The following GTF3C6 variants were observed in gnomAD, a reference collection of about 807,000 sequenced individuals.
The protein encoded by GTF3C6 is general transcription factor IIIC subunit 6, also known as general transcription factor 3C polypeptide 6.
In GTF3C6, 11 loss-of-function variants were observed where a neutral mutation model predicts 19.2. That is an observed-to-expected ratio of 0.57 (90% CI 0.36 to 0.95). The LOEUF (loss-of-function observed/expected upper bound fraction) is 0.95, where lower values mean the gene tolerates loss of function less well. Ranked by LOEUF, GTF3C6 falls within the 40% of genes least tolerant of loss-of-function variation. The probability of loss-of-function intolerance (pLI) is 0.01; values close to 1 mark genes in which losing one functional copy is unlikely to be tolerated. For missense variants in GTF3C6, 222 were observed against 254.7 expected (o/e 0.87, Z 0.87); for synonymous variants, 87 against 84.2 (o/e 1.03, Z -0.18).
At chr6:110,965,891 C>T (rs1771223549) in intron 5 of GTF3C6, among the ~76,000 whole-genome samples, 1 of 152,160 alleles carries the variant, frequency 6.6e-6, no homozygotes, top group Non-Finnish European at 1.5e-5. Context: ...AATTTGGGAG[C>T]AGTTTAGGTA....
rs2114262923 is a variant in GTF3C6, at chr6:110,967,773, A to G, written c.625A>G (p.Thr209Ala). The G allele has an allele frequency of 6.2e-7, 1 of 1,602,038 alleles. No homozygotes were observed. The change falls in exon 6 of 6, where the codon ACT (threonine) becomes GCT (alanine). Residue 209 changes from threonine (T) to alanine (A), a missense_variant. Transcript: ENST00000329970. Reference protein sequence around the residue: ...SETEGSVFMETQMLP With the variant: ...SETEGSVFMEAQMLP ...GACAGAAGGTTCTGTTTTTATGGAAACTCAAATGCTGCCTTAGAAATCACT... is the reference window on the plus strand; with the variant it reads ...GACAGAAGGTTCTGTTTTTATGGAAGCTCAAATGCTGCCTTAGAAATCACT...
chr6:110,966,200 G>A (rs572862916), intron 5 of GTF3C6, among the ~76,000 whole-genome samples: 7 of 152,210 alleles, frequency 4.6e-5, no homozygotes, highest in African/African-American at 9.6e-5. Context: ...TTGGCTAGGC[G>A]TGGTGGCTCA....
intron 2 of GTF3C6, 41 bp from the exon 3 acceptor site, chr6:110,960,373 C>T: frequency 6.5e-7 from 1 of 1,530,280 alleles, no homozygotes. Flanking sequence ...AAGCCTTTTT[C>T]TAATTATGTT....
chr6:110,967,674 C>A lies in GTF3C6; in HGVS notation c.526C>A (p.Leu176Met), dbSNP rs1204643986. ...EEIQMNDSSN[L>M]SCEQEKPMHL... Reference sequence around the variant, plus strand: ...GATTCAAATGAACGACAGTTCAAACCTGAGTTGTGAACAGGAGAAACCAAT... The same window carrying A: ...GATTCAAATGAACGACAGTTCAAACATGAGTTGTGAACAGGAGAAACCAAT... The change falls in exon 6 of 6, where the codon CTG becomes ATG. Residue 176 changes from leucine to methionine, a missense_variant. Transcript: ENST00000329970. 1 of 1,614,064 alleles carries A rather than the reference C, an allele frequency of 6.2e-7. No homozygotes were observed.
chr6:110,958,936 T>C, intron 1 of GTF3C6, 110 bp downstream of exon 1: 1 of 1,253,186 alleles, frequency 8.0e-7, no homozygotes, highest in Non-Finnish European at 1.1e-6. Flanking sequence ...GCCCCACTGC[T>C]CCTCACCGGC....
intron 5 of GTF3C6, among the ~76,000 whole-genome samples, chr6:110,964,703 G>A (rs890078810): frequency 2.6e-5 from 4 of 151,766 alleles, no homozygotes; most frequent in Non-Finnish European, 4.4e-5. Context: ...GTGCAGTGGC[G>A]TGATCTCAGC....
Position 110,966,106 on chromosome 6 carries a change from C to T in GTF3C6, c.362-1404C>T, listed in dbSNP as rs1277279228. Among the ~76,000 whole-genome samples, 4 of 152,184 alleles carry T rather than the reference C, an allele frequency of 2.6e-5. No individual in the cohort carries two copies. In the East Asian group the frequency reaches 7.7e-4, roughly 29 times the overall value. Reference sequence around the variant, plus strand: ...TTTGAATGTCCTCCTGATATGGCAGCTGGCTTCTCTCAGATAAAGTATTCC... The same window carrying T: ...TTTGAATGTCCTCCTGATATGGCAGTTGGCTTCTCTCAGATAAAGTATTCC... On this transcript the variant is annotated intron_variant, in intron 5 of 5. Transcript: ENST00000329970.
intron 5 of GTF3C6, 59 bp downstream of exon 5, chr6:110,962,564 T>C (rs1029239348): frequency 8.8e-6 from 8 of 906,878 alleles, no homozygotes; most frequent in Admixed American, 7.9e-5. Context: ...CAATGATACA[T>C]TGATGCCAGG....
At chr6:110,960,729 C>G (rs1771149583) in intron 4 of GTF3C6, 113 bp downstream of exon 4, 8 of 900,372 alleles carry the variant, frequency 8.9e-6, no homozygotes, top group Admixed American at 8.1e-5. Flanking sequence ...ATCATTTTCC[C>G]AAACGTGACT....
At chr6:110,960,716 C>G (rs2114255871) in intron 4 of GTF3C6, 100 bp downstream of exon 4, 1 of 965,358 alleles carries the variant, frequency 1.0e-6, no homozygotes, top group South Asian at 1.4e-5. Flanking sequence ...TGTATCATAT[C>G]CTATCATTTT....
In GTF3C6 at chr6:110,958,739, CAGTGACT is replaced by C. The variant is rs1562357376; in HGVS notation, c.-28_-22del. On this transcript the variant is annotated 5_prime_UTR_variant, in exon 1 of 6. The change abolishes the stop of an existing upstream ORF in the 5' untranslated region. Coordinates refer to ENST00000329970, the MANE Select transcript of GTF3C6 (RefSeq NM_138408.4). ...GATGGCGGCTCCGGGCGGGCGTGGC[CAGTGACT>C]AGAAGGCGAGGCGCCGCGGGACCAT... is the stretch of plus-strand genomic sequence containing the variant. 6.5e-7 allele frequency: 1 copy of C among 1,550,146 alleles called. No individual in the cohort carries two copies. The highest frequency in any genetic ancestry group is 2.0e-5 in the Admixed American group (1 of 50,998).
chr6:110,964,664 CAG>C (rs1301632234), intron 5 of GTF3C6, among the ~76,000 whole-genome samples: 1 of 148,968 alleles, frequency 6.7e-6, no homozygotes, highest in East Asian at 2.0e-4. Context: ...TTCCTGGAGA[CAG>C]AGTCTTACTC....
At chr6:110,965,264 T>C (rs1322820704) in intron 5 of GTF3C6, among the ~76,000 whole-genome samples, 1 of 152,010 alleles carries the variant, frequency 6.6e-6, no homozygotes, top group Non-Finnish European at 1.5e-5. Flanking sequence ...TGATGAGTTC[T>C]TAATTTGCAT....
intron 5 of GTF3C6, among the ~76,000 whole-genome samples, chr6:110,964,043 T>G (rs1487065525): frequency 6.6e-6 from 1 of 151,924 alleles, no homozygotes. Context: ...AGGACCACAG[T>G]TGTTAGTCCT....
chr6:110,962,555 A>G (rs748515647), intron 5 of GTF3C6, 50 bp downstream of exon 5: 12 of 966,040 alleles, frequency 1.2e-5, no homozygotes, highest in Admixed American at 2.0e-5. Context: ...TGGCTTTGAC[A>G]ATGATACATT....
chr6:110,959,184 C>A lies in GTF3C6; in HGVS notation c.70C>A (p.Leu24Met). 1.9e-6 allele frequency: 3 copies of A among 1,611,272 alleles called. No homozygotes were observed. The highest frequency in any genetic ancestry group is 1.1e-5 in the South Asian group (1 of 91,018). Reference sequence around the variant, plus strand: ...TTTCTTTCACCAGGAGCAGTTGGTTCTGGTGGAATTATCAGGAATTATTGA... The same window carrying A: ...TTTCTTTCACCAGGAGCAGTTGGTTATGGTGGAATTATCAGGAATTATTGA... Reference protein sequence around the residue: ...EDEEEEEQLVLVELSGIIDSD... With the variant: ...EDEEEEEQLVMVELSGIIDSD... The change falls in exon 2 of 6, where the codon CTG (leucine) becomes ATG (methionine). Residue 24 changes from leucine to methionine, a missense_variant. Transcript: ENST00000329970.
intron 5 of GTF3C6, among the ~76,000 whole-genome samples, chr6:110,966,313 TAA>T (rs1771228958): frequency 6.6e-6 from 1 of 151,938 alleles, no homozygotes; most frequent in African/African-American, 2.4e-5. Flanking sequence ...CCATTTCCAC[TAA>T]AGATACAAAA....
At chr6:110,965,792 T>A (rs1771222311) in intron 5 of GTF3C6, among the ~76,000 whole-genome samples, 1 of 152,204 alleles carries the variant, frequency 6.6e-6, no homozygotes, top group Non-Finnish European at 1.5e-5. Context: ...CTGCATTGGT[T>A]ACCTACTGCT....
At chr6:110,963,414 G>C (rs112752007) in intron 5 of GTF3C6, among the ~76,000 whole-genome samples, 1 of 151,836 alleles carries the variant, frequency 6.6e-6, no homozygotes, top group East Asian at 1.9e-4. Flanking sequence ...GTGCTTCTCT[G>C]TCTCTCTCTT....
Sources: gnomAD v4.1 joint callset for allele counts (sites outside exome capture counted in the v4.1 genomes callset) on GRCh38, gnomAD v4.1.1 for gene constraint, MANE v1.5 for transcripts, NCBI Gene and HGNC (gene_info 2026-07-23, HGNC 2026-07-21) for gene names.